Variants in CDH9 observed in about 807,000 individuals in gnomAD.
CDH9 encodes cadherin 9, also known as cadherin-9.
Under a neutral mutation model 70.9 loss-of-function variants are expected in CDH9, and 28 were observed. That is an observed-to-expected ratio of 0.40 (90% CI 0.29 to 0.54). The LOEUF is 0.54. CDH9 is among the 20% of genes least tolerant of loss of function. The pLI is 0.59. For synonymous variants in CDH9, 409 were observed against 343.1 expected, an observed-to-expected ratio of 1.19 and a Z score of -2.12; for missense variants, 874 against 984.4, an observed-to-expected ratio of 0.89 and a Z score of 1.50.
intron 2 of CDH9, among the ~76,000 whole-genome samples, chr5:26,976,567 A>T (rs1229014567): frequency 6.6e-6 from 1 of 151,944 alleles, no homozygotes; most frequent in Non-Finnish European, 1.5e-5. Context: ...CCTCCCAAAG[A>T]GCTGAGACCA....
chr5:26,906,858 CCAAA>C lies in CDH9; in HGVS notation c.524-24_524-21del. On this transcript the variant is annotated intron_variant, in intron 3 of 11. Transcript: ENST00000231021. Reference sequence around the variant, plus strand: ...ATGTACCTACATGAAACCCCCATCCCCAAACAGAGACATTTACATACTTCCAAAT... The same window carrying C: ...ATGTACCTACATGAAACCCCCATCCCCAGAGACATTTACATACTTCCAAAT... 6.3e-7 allele frequency: 1 copy of C among 1,582,140 alleles called. No individual in the cohort carries two copies.
intron 2 of CDH9, among the ~76,000 whole-genome samples, chr5:26,983,055 T>C (rs1479667558): frequency 6.6e-6 from 1 of 151,956 alleles, no homozygotes; most frequent in East Asian, 1.9e-4. Context: ...ATGAAATGGG[T>C]TTTATGTAAG....
intron 1 of CDH9, among the ~76,000 whole-genome samples, chr5:27,027,960 C>A (rs1242276886): frequency 6.6e-6 from 1 of 152,032 alleles, no homozygotes; most frequent in East Asian, 1.9e-4. Flanking sequence ...AAGCTGTAGT[C>A]TTTCTTCCAG....
chr5:27,028,819 G>A (rs924653081), intron 1 of CDH9, among the ~76,000 whole-genome samples: 14 of 151,984 alleles, frequency 9.2e-5, no homozygotes, highest in African/African-American at 3.4e-4. Context: ...TTCAAGAAAT[G>A]TACTTCCTTA....
intron 2 of CDH9, among the ~76,000 whole-genome samples, chr5:26,987,091 C>CTTTTTTTTTT (rs201154706): frequency 2.0e-3 from 221 of 108,230 alleles, no homozygotes; most frequent in South Asian, 2.7e-3. Context: ...CACTTGTATT[C>CTTTTTTTTTT]TTTTTTTTTT....
At chr5:27,027,952 G>T (rs574298630) in intron 1 of CDH9, among the ~76,000 whole-genome samples, 1 of 152,054 alleles carries the variant, frequency 6.6e-6, no homozygotes, top group African/African-American at 2.4e-5. Flanking sequence ...TAACATGAAA[G>T]CTGTAGTCTT....
At chr5:27,007,494 T>G (rs1742885871) in intron 1 of CDH9, among the ~76,000 whole-genome samples, 1 of 152,136 alleles carries the variant, frequency 6.6e-6, no homozygotes, top group South Asian at 2.1e-4. Context: ...TAGTAATCAA[T>G]TATTCAAGAG....
chr5:26,881,327 G>C lies in CDH9; in HGVS notation c.2179C>G (p.Pro727Ala). The change falls in exon 12 of 12, where the codon CCA (proline) becomes GCA (alanine). Residue 727 changes from proline (P) to alanine (A), a missense_variant. Pro to Ala is a conservative substitution (Grantham distance 27, BLOSUM62 -1). Coordinates refer to ENST00000231021, the MANE Select transcript of CDH9 (RefSeq NM_016279.4). Reference sequence around the variant, plus strand: ...AGCGAATCATATGGAGGTGCACTTGGGTCTGCGTCGTTTTCTTTTAATCTT... The same window carrying C: ...AGCGAATCATATGGAGGTGCACTTGCGTCTGCGTCGTTTTCTTTTAATCTT... ...HRRLKENDAD[P>A]SAPPYDSLAT... 1 of 1,612,890 alleles carries C rather than the reference G, an allele frequency of 6.2e-7. No individual in the cohort carries two copies. The highest frequency in any genetic ancestry group is 8.5e-7 in the Non-Finnish European group (1 of 1,179,186).
At chr5:26,893,772 T>G (rs571034152) in intron 7 of CDH9, among the ~76,000 whole-genome samples, 1 of 152,250 alleles carries the variant, frequency 6.6e-6, no homozygotes, top group East Asian at 1.9e-4. Context: ...TTATCAGAGA[T>G]AGATCCGATT....
rs200942372 is a variant in CDH9 at position 26,885,754 on chromosome 5, G to A, written c.1742C>T (p.Thr581Ile). 3 of 1,613,884 alleles carry A rather than the reference G, an allele frequency of 1.9e-6. No homozygotes were observed. Among genetic ancestry groups the A allele is most frequent in the Non-Finnish European group, 2.5e-6 (3 of 1,179,920 alleles). Residue 581 changes from threonine (T) to isoleucine (I), a missense_variant, in exon 11 of 12, where the codon ACT becomes ATT. Coordinates refer to ENST00000231021, the MANE Select transcript of CDH9 (RefSeq NM_016279.4). ...ACACACACGGATAGTGAGTGTACCAGTGCTGCTTTGAATTGGATAATCGTT... is the reference window on the plus strand; with the variant it reads ...ACACACACGGATAGTGAGTGTACCAATGCTGCTTTGAATTGGATAATCGTT... Reference protein sequence around the residue: ...FDNDYPIQSSTGTLTIRVCAC... With the variant: ...FDNDYPIQSSIGTLTIRVCAC...
At chr5:26,888,744 T>G (rs1740605793) in intron 9 of CDH9, among the ~76,000 whole-genome samples, 1 of 152,066 alleles carries the variant, frequency 6.6e-6, no homozygotes, top group South Asian at 2.1e-4. Context: ...AATGTAAGGT[T>G]GAGATCTAGA....
chr5:26,986,064 T>TAA (rs138593252), intron 2 of CDH9, among the ~76,000 whole-genome samples: 5 of 151,512 alleles, frequency 3.3e-5, no homozygotes, highest in African/African-American at 9.7e-5. Context: ...AAGTCCCTAT[T>TAA]AAAAAAAAGA....
chr5:26,982,964 C>T (rs779254935), intron 2 of CDH9, among the ~76,000 whole-genome samples: 8 of 152,040 alleles, frequency 5.3e-5, no homozygotes, highest in Non-Finnish European at 1.0e-4. Context: ...GGATTGCAGG[C>T]GTGAGCCACC....
At chr5:26,983,564 G>C (rs1040712148) in intron 2 of CDH9, among the ~76,000 whole-genome samples, 2 of 152,130 alleles carry the variant, frequency 1.3e-5, no homozygotes, top group Admixed American at 6.6e-5. Flanking sequence ...TCAGTATGCT[G>C]TCCTTAAAGC....
intron 6 of CDH9, 57 bp downstream of exon 6, chr5:26,903,580 A>G: frequency 8.5e-7 from 1 of 1,176,482 alleles, no homozygotes; most frequent in African/African-American, 1.5e-5. Flanking sequence ...CCTTTACTGA[A>G]AAGCAAACGT....
chr5:26,953,272 A>G (rs1741885612), intron 2 of CDH9, among the ~76,000 whole-genome samples: 1 of 152,226 alleles, frequency 6.6e-6, no homozygotes, highest in South Asian at 2.1e-4. Context: ...AAATGTAACT[A>G]TTATTCTATT....
chr5:26,989,141 A>G (rs1742538436), intron 1 of CDH9, among the ~76,000 whole-genome samples: 1 of 152,082 alleles, frequency 6.6e-6, no homozygotes, highest in Non-Finnish European at 1.5e-5. Flanking sequence ...AAATTAGATA[A>G]CACATGTTAC....
intron 1 of CDH9, among the ~76,000 whole-genome samples, chr5:26,991,133 A>C (rs2112094944): frequency 6.6e-6 from 1 of 152,318 alleles, no homozygotes; most frequent in African/African-American, 2.4e-5. Flanking sequence ...GTTAAGAGAG[A>C]GATCAGTTAG....
intron 3 of CDH9, among the ~76,000 whole-genome samples, chr5:26,913,885 G>T (rs1741098597): frequency 6.6e-6 from 1 of 151,486 alleles, no homozygotes; most frequent in Admixed American, 6.6e-5. Context: ...TTTGAATTAT[G>T]TATACAGGTG....
Sources: allele counts gnomAD v4.1 joint callset (sites outside exome capture counted in the v4.1 genomes callset), GRCh38; gene constraint gnomAD v4.1.1; transcripts MANE v1.5; gene names NCBI Gene and HGNC (gene_info 2026-07-23, HGNC 2026-07-21).